Variants in BPIFC observed in about 807,000 individuals in gnomAD.
The protein encoded by BPIFC is BPI fold containing family C.
BPIFC carries 60 observed loss-of-function variants against 57.6 expected under a neutral mutation model. The observed-to-expected ratio is 1.04, with a 90% CI of 0.85 to 1.29. BPIFC has a LOEUF of 1.29. Ranked by LOEUF, BPIFC falls within the 50% of genes most tolerant of loss-of-function variation. The probability of loss-of-function intolerance (pLI) is 0.00; values close to 1 mark genes in which losing one functional copy is unlikely to be tolerated. For missense variants in BPIFC, 581 were observed against 600.5 expected (o/e 0.97, Z 0.34); for synonymous variants, 243 against 224.5 (o/e 1.08, Z -0.74).
At chr22:32,461,990 G>T (rs1159919167) in intron 1 of BPIFC, among the ~76,000 whole-genome samples, 1 of 151,730 alleles carries the variant, frequency 6.6e-6, no homozygotes, top group East Asian at 1.9e-4. Flanking sequence ...TGGCTAACAT[G>T]GTGAAACTGT....
intron 13 of BPIFC, among the ~76,000 whole-genome samples, chr22:32,424,678 T>TCCTCCTCCTCCTCC (rs1569448055): frequency 3.3e-5 from 3 of 90,504 alleles, no homozygotes; most frequent in Non-Finnish European, 3.9e-5. Context: ...CTTCTTCTTC[T>TCCTCCTCCTCCTCC]TCTTCTTCTT....
rs371535232 is a variant in BPIFC at position 32,433,721 on chromosome 22, G to C, written c.976C>G (p.Arg326Gly). ...AGACTCAAACCCTGAGCACTTACCC[G>C]GGAGAGCACGTTGCCAAGGCCTTGA... ...NSQGLGNVLS[R>G]IAEIYILSQP... The change falls in exon 11 of 17, where the codon CGG (arginine) becomes GGG (glycine). Residue 326 changes from arginine to glycine, a missense_variant and splice_region_variant. By Grantham distance (125) the Arg-to-Gly change is moderately radical. Transcript: ENST00000300399. 6.2e-7 allele frequency: 1 copy of C among 1,613,704 alleles called. No homozygotes were observed. The highest frequency in any genetic ancestry group is 1.3e-5 in the African/African-American group (1 of 75,026).
intron 8 of BPIFC, among the ~76,000 whole-genome samples, chr22:32,440,013 T>C (rs1934520625): frequency 6.6e-6 from 1 of 152,202 alleles, no homozygotes; most frequent in South Asian, 2.1e-4. Flanking sequence ...AGGAACTTGC[T>C]CAAGGAAAGC....
chr22:32,440,855 C>A (rs1025258217), intron 8 of BPIFC, among the ~76,000 whole-genome samples: 2 of 152,148 alleles, frequency 1.3e-5, no homozygotes, highest in South Asian at 4.1e-4. Context: ...TGGGTCACTG[C>A]ACTCATCTCT....
intron 13 of BPIFC, among the ~76,000 whole-genome samples, chr22:32,425,519 G>C (rs969805641): frequency 3.9e-5 from 6 of 152,200 alleles, no homozygotes; most frequent in Non-Finnish European, 5.9e-5. Context: ...AAATGATCTT[G>C]TACGATTGAG....
chr22:32,446,952 G>T, intron 5 of BPIFC: 1 of 426,984 alleles, frequency 2.3e-6, no homozygotes, highest in Non-Finnish European at 3.1e-6. Context: ...TTCTCTGATA[G>T]TCAGGGACTT....
chr22:32,422,514 C>T (rs1736740731), intron 13 of BPIFC, among the ~76,000 whole-genome samples: 1 of 152,066 alleles, frequency 6.6e-6, no homozygotes, highest in Admixed American at 6.6e-5. Flanking sequence ...CGAGACCAGC[C>T]TGGCCAACAT....
chr22:32,449,738 C>CTTTT (rs368385141), intron 4 of BPIFC, among the ~76,000 whole-genome samples: 2 of 146,968 alleles, frequency 1.4e-5, no homozygotes, highest in African/African-American at 2.5e-5. Context: ...ATGTACTTCT[C>CTTTT]TTTTTTTCTT....
intron 13 of BPIFC, among the ~76,000 whole-genome samples, chr22:32,424,725 CTT>C (rs1933994659): frequency 1.0e-5 from 1 of 96,498 alleles, no homozygotes; most frequent in South Asian, 3.0e-4. Flanking sequence ...TCCTCTTCTT[CTT>C]CCTCTTCTTC....
At chr22:32,449,675 C>T (rs373205274) in intron 4 of BPIFC, among the ~76,000 whole-genome samples, 1 of 151,964 alleles carries the variant, frequency 6.6e-6, no homozygotes, top group South Asian at 2.1e-4. Flanking sequence ...TCTAGCACTT[C>T]TGTATTATAT....
In BPIFC at chr22:32,435,857, GT is replaced by G; in HGVS notation, c.770del (p.Asn257ThrfsTer83). The G allele has an allele frequency of 6.2e-7, 1 of 1,614,066 alleles. No homozygotes were observed. Among genetic ancestry groups the G allele is most frequent in the African/African-American group, 1.3e-5 (1 of 75,036 alleles). On this transcript the variant is annotated frameshift_variant, in exon 10 of 17. Coordinates refer to ENST00000300399, the MANE Select transcript of BPIFC (RefSeq NM_174932.3). LOFTEE classifies it high-confidence loss of function. ...NLKGVFYPLE[N>X]LTDPPFSPVP... ...CTGGTGAGAAGGGGGGGTCGGTGAG[GT>G]TTTCCAGTGGGTAGAATACACCCTG...
At chr22:32,418,179 A>G (rs73170321) in intron 14 of BPIFC, among the ~76,000 whole-genome samples, 7,954 of 152,284 alleles carry the variant, frequency 0.052, 242 homozygotes, top group African/African-American at 0.071. Flanking sequence ...TGCATTTCAT[A>G]TATAATCTCA....
intron 3 of BPIFC, among the ~76,000 whole-genome samples, chr22:32,456,005 AT>A (rs1935027759): frequency 6.6e-6 from 1 of 152,168 alleles, no homozygotes; most frequent in African/African-American, 2.4e-5. Flanking sequence ...TTATCATCCC[AT>A]TTTCCATATG....
intron 11 of BPIFC, among the ~76,000 whole-genome samples, chr22:32,432,754 CA>C (rs1382390459): frequency 6.6e-6 from 1 of 152,142 alleles, no homozygotes; most frequent in Non-Finnish European, 1.5e-5. Flanking sequence ...CCCACTGTGC[CA>C]GGGGCTTTAT....
intron 13 of BPIFC, among the ~76,000 whole-genome samples, chr22:32,429,338 C>T (rs1934164074): frequency 6.6e-6 from 1 of 151,512 alleles, no homozygotes; most frequent in South Asian, 2.1e-4. Context: ...TCCCAAGCAG[C>T]TGGAGCTACA....
chr22:32,447,297 A>G lies in BPIFC; in HGVS notation c.289T>C (p.Phe97Leu). ...AFSFPNTSLA[F>L]VPGVGIKALT... ...GCTTTGATTCCCACTCCAGGCACAA[A>G]AGCCAATGAGGTATTTGGAAATGAA... The change falls in exon 5 of 17, where the codon TTT becomes CTT. Residue 97 changes from phenylalanine (F) to leucine (L), a missense_variant. Phe to Leu is a conservative substitution (Grantham distance 22, BLOSUM62 0). Transcript: ENST00000300399. The G allele has an allele frequency of 6.2e-7, 1 of 1,614,164 alleles. No individual in the cohort carries two copies. The highest frequency in any genetic ancestry group is 8.5e-7 in the Non-Finnish European group (1 of 1,180,018).
rs760530176 is a variant in BPIFC, at chr22:32,419,320, G to A, written c.1260+42C>T. ...TATTATATATAGTAGGAGAATCCTC[G>A]TTCTTCCAGTGCTTGGTAACCCCAA... On this transcript the variant is annotated intron_variant, in intron 14 of 16. Transcript: ENST00000300399. 65 of 1,577,482 alleles carry A rather than the reference G, an allele frequency of 4.1e-5. No homozygotes were observed. The East Asian group carries it at 9.6e-4, about 23-fold the overall frequency.
intron 13 of BPIFC, among the ~76,000 whole-genome samples, chr22:32,420,700 AG>A (rs1248856569): frequency 1.3e-5 from 2 of 152,254 alleles, no homozygotes; most frequent in African/African-American, 2.4e-5. Context: ...AAATAGCTAG[AG>A]GGAAGATAGA....
chr22:32,415,810 C>G, intron 16 of BPIFC, 105 bp downstream of exon 16: 1 of 734,006 alleles, frequency 1.4e-6, no homozygotes, highest in Non-Finnish European at 2.1e-6. Flanking sequence ...AAAAGCAAAG[C>G]AGGACAAAAA....
Sources: allele counts gnomAD v4.1 joint callset (sites outside exome capture counted in the v4.1 genomes callset), GRCh38; gene constraint gnomAD v4.1.1; transcripts MANE v1.5; gene names NCBI Gene and HGNC (gene_info 2026-07-23, HGNC 2026-07-21).